Variants in PSPC1 observed in about 807,000 individuals in gnomAD.
PSPC1 encodes the protein paraspeckle protein 1.
PSPC1 carries 14 observed loss-of-function variants against 51.6 expected under a neutral mutation model. The observed-to-expected ratio is 0.27, with a 90% CI of 0.18 to 0.42. The LOEUF (loss-of-function observed/expected upper bound fraction) is 0.42, where lower values mean the gene tolerates loss of function less well. PSPC1 is among the 10% of genes least tolerant of loss of function. The pLI, the probability that PSPC1 is intolerant of heterozygous loss-of-function variation, is 1.00. For missense variants in PSPC1, 406 were observed against 701.1 expected (o/e 0.58, Z 4.75); for synonymous variants, 193 against 231.9 (o/e 0.83, Z 1.53).
downstream of PSPC1, among the ~76,000 whole-genome samples, chr13:19,701,238 G>A (rs1879869702): frequency 6.6e-6 from 1 of 151,178 alleles, no homozygotes; most frequent in Non-Finnish European, 1.5e-5. Flanking sequence ...AACATCAAAG[G>A]ATCAAGTTTC....
At chr13:19,704,425 C>A (rs1880384968) in intron 8 of PSPC1, among the ~76,000 whole-genome samples, 2 of 152,294 alleles carry the variant, frequency 1.3e-5, no homozygotes, top group South Asian at 4.1e-4. Flanking sequence ...AACTCTAAGA[C>A]ATACAATGCA....
chr13:19,730,553 T>G (rs912766212), intron 5 of PSPC1, among the ~76,000 whole-genome samples: 1 of 152,110 alleles, frequency 6.6e-6, no homozygotes, highest in African/African-American at 2.4e-5. Context: ...GTAACTTAGC[T>G]AAGGTAAACC....
chr13:19,778,193 G>T (rs1361286262), intron 1 of PSPC1, among the ~76,000 whole-genome samples: 3 of 151,018 alleles, frequency 2.0e-5, no homozygotes. Flanking sequence ...AGTGAACCAA[G>T]ATCCCGCCAC....
chr13:19,782,620 T>C lies in PSPC1; in HGVS notation c.138A>G (p.Ala46=). 6.3e-7 allele frequency: 1 copy of C among 1,576,618 alleles called. No individual in the cohort carries two copies. The highest frequency in any genetic ancestry group is 8.6e-7 in the Non-Finnish European group (1 of 1,165,506). Residue 46 remains alanine (A), a synonymous_variant, in exon 1 of 9, where the codon GCA becomes GCG. Coordinates refer to ENST00000338910, the MANE Select transcript of PSPC1 (RefSeq NM_001354909.2). The surrounding 1 kb of genome is among the most constrained non-coding windows in gnomAD (Gnocchi z 4.5). ...AMALALAGEP[A]PPAPAPPEDH... ...CCTCTGGAGGCGCGGGCGCGGGCGG[T>C]GCCGGCTCCCCGGCAAGAGCGAGCG... is the stretch of plus-strand genomic sequence containing the variant.
At chr13:19,727,738 T>TA (rs1883526670) in intron 6 of PSPC1, among the ~76,000 whole-genome samples, 2 of 152,116 alleles carry the variant, frequency 1.3e-5, no homozygotes, top group African/African-American at 4.8e-5. Context: ...AAGACAATTA[T>TA]AAAAAACAAT....
chr13:19,752,185 G>A (rs1886624408), intron 3 of PSPC1, among the ~76,000 whole-genome samples: 1 of 152,136 alleles, frequency 6.6e-6, no homozygotes, highest in Non-Finnish European at 1.5e-5. Flanking sequence ...TAATTGGGTA[G>A]GCCCCAAAAA....
chr13:19,744,464 T>C (rs1254250506), intron 4 of PSPC1, among the ~76,000 whole-genome samples: 1 of 152,254 alleles, frequency 6.6e-6, no homozygotes, highest in Admixed American at 6.5e-5. Context: ...CCAAAGTTCC[T>C]GATATTTCAC....
intron 4 of PSPC1, among the ~76,000 whole-genome samples, chr13:19,746,430 AT>A (rs528794879): frequency 5.8e-4 from 88 of 151,352 alleles, no homozygotes; most frequent in African/African-American, 1.9e-3. Flanking sequence ...TTAAAAAAAA[AT>A]AAATGTAATG....
chr13:19,768,966 C>T (rs1278728992), intron 2 of PSPC1, among the ~76,000 whole-genome samples: 1 of 145,144 alleles, frequency 6.9e-6, no homozygotes, highest in Non-Finnish European at 1.5e-5. Context: ...GAAACCCCAT[C>T]TCTACTGCAA....
chr13:19,770,901 A>G (rs1267900753), intron 2 of PSPC1, among the ~76,000 whole-genome samples: 1 of 151,854 alleles, frequency 6.6e-6, no homozygotes, highest in African/African-American at 2.4e-5. Flanking sequence ...GTCTCCAAAA[A>G]AAAAAACAAA....
chr13:19,742,682 T>C (rs1167843489), intron 4 of PSPC1, among the ~76,000 whole-genome samples: 2 of 152,162 alleles, frequency 1.3e-5, no homozygotes, highest in African/African-American at 2.4e-5. Flanking sequence ...GAGGTTGCAG[T>C]GAGCCAAAAT....
intron 5 of PSPC1, among the ~76,000 whole-genome samples, chr13:19,730,965 C>CA (rs56753561): frequency 0.038 from 1,414 of 37,346 alleles, 57 homozygotes; most frequent in African/African-American, 0.09. Context: ...AACAAAAAAA[C>CA]AAAAAAAAAA....
intron 6 of PSPC1, among the ~76,000 whole-genome samples, chr13:19,689,265 C>T (rs981861595): frequency 1.3e-5 from 2 of 151,880 alleles, no homozygotes; most frequent in African/African-American, 2.4e-5. Flanking sequence ...AGAGTGAAGA[C>T]AAAAGCAAAA....
chr13:19,704,698 A>G (rs1260487478), intron 8 of PSPC1, among the ~76,000 whole-genome samples: 1 of 152,210 alleles, frequency 6.6e-6, no homozygotes, highest in Non-Finnish European at 1.5e-5. Context: ...AATAGAAATG[A>G]TAAAAGGTAT....
intron 6 of PSPC1, among the ~76,000 whole-genome samples, chr13:19,714,966 C>T (rs1415590169): frequency 1.3e-5 from 2 of 152,126 alleles, no homozygotes; most frequent in Admixed American, 6.6e-5. Context: ...AGATGGACTG[C>T]AAAAGCAAAC....
At chr13:19,695,334 C>T (rs1879076676) in intron 6 of PSPC1, among the ~76,000 whole-genome samples, 1 of 152,152 alleles carries the variant, frequency 6.6e-6, no homozygotes, top group Non-Finnish European at 1.5e-5. Flanking sequence ...CATTCTATTG[C>T]AAAGCAGAAT....
intron 3 of PSPC1, among the ~76,000 whole-genome samples, chr13:19,755,053 CA>C (rs1886931338): frequency 6.6e-6 from 1 of 151,774 alleles, no homozygotes; most frequent in Non-Finnish European, 1.5e-5. Context: ...AGCAACATGA[CA>C]AAACTCTGTC....
At chr13:19,763,162 T>C (rs1203297660) in intron 2 of PSPC1, among the ~76,000 whole-genome samples, 1 of 152,126 alleles carries the variant, frequency 6.6e-6, no homozygotes, top group Non-Finnish European at 1.5e-5. Flanking sequence ...ACTACATTTA[T>C]TCTTTTTTCT....
intron 2 of PSPC1, among the ~76,000 whole-genome samples, chr13:19,770,306 G>A (rs1310713366): frequency 6.6e-6 from 1 of 152,164 alleles, no homozygotes; most frequent in Non-Finnish European, 1.5e-5. Context: ...GTGGGGTAAC[G>A]GAAGTGTTCT....
Sources: gnomAD v4.1 joint callset for allele counts (sites outside exome capture counted in the v4.1 genomes callset) on GRCh38, gnomAD v4.1.1 for gene constraint, Gnocchi (gnomAD v3.1) non-coding constraint, MANE v1.5 for transcripts, NCBI Gene and HGNC (gene_info 2026-07-23, HGNC 2026-07-21) for gene names.